Variants in FHIT observed in about 807,000 individuals in gnomAD.
The protein encoded by FHIT is fragile histidine triad diadenosine triphosphatase.
A neutral mutation model predicts 17.9 loss-of-function variants in FHIT; 19 were observed. That is an observed-to-expected ratio of 1.06 (90% CI 0.74 to 1.56). The LOEUF (loss-of-function observed/expected upper bound fraction) is 1.56, where lower values mean the gene tolerates loss of function less well. Ranked by LOEUF, FHIT falls within the 40% of genes most tolerant of loss-of-function variation. The pLI, the probability that FHIT is intolerant of heterozygous loss-of-function variation, is 0.00. For synonymous variants in FHIT, 81 were observed against 69.7 expected (o/e 1.16, Z -0.81); for missense variants, 248 against 189.2 (o/e 1.31, Z -1.82).
At chr3:61,182,340 G>A (rs987853670) in intron 2 of FHIT, among the ~76,000 whole-genome samples, 12 of 152,080 alleles carry the variant, frequency 7.9e-5, no homozygotes, top group Admixed American at 7.9e-4. Context: ...TTCATGATTT[G>A]TATAATATCT....
At chr3:60,112,331 G>C (rs1279239280) in intron 5 of FHIT, among the ~76,000 whole-genome samples, 1 of 152,152 alleles carries the variant, frequency 6.6e-6, no homozygotes, top group Admixed American at 6.5e-5. Flanking sequence ...GTAAAATCAA[G>C]AACTTGTCAC....
chr3:60,266,494 T>A (rs1012894192), intron 5 of FHIT, among the ~76,000 whole-genome samples: 1 of 152,068 alleles, frequency 6.6e-6, no homozygotes, highest in African/African-American at 2.4e-5. Context: ...GTTGCACAAT[T>A]CTGATAATGT....
intron 4 of FHIT, among the ~76,000 whole-genome samples, chr3:60,540,241 A>G (rs567040334): frequency 1.7e-4 from 26 of 152,232 alleles, no homozygotes; most frequent in African/African-American, 5.5e-4. Flanking sequence ...TCTTTCCCCC[A>G]TACCTCACCT....
intron 2 of FHIT, among the ~76,000 whole-genome samples, chr3:61,180,976 T>C (rs572226033): frequency 8.5e-5 from 13 of 152,346 alleles, no homozygotes; most frequent in African/African-American, 2.6e-4. Context: ...TTCAAGTACA[T>C]TTATCTCCGT....
chr3:60,211,749 T>C (rs12493500), intron 5 of FHIT, among the ~76,000 whole-genome samples: 12,394 of 152,054 alleles, frequency 0.082, 539 homozygotes, highest in South Asian at 0.15. Flanking sequence ...ATGGTTGAAA[T>C]GAAATAAGGA....
intron 5 of FHIT, among the ~76,000 whole-genome samples, chr3:60,534,439 C>CAAAAAAAAAAAAAAAAAAAA (rs563992117): frequency 9.3e-5 from 3 of 32,398 alleles, no homozygotes; most frequent in African/African-American, 1.3e-4. Context: ...GACTCCGTCT[C>CAAAAAAAAAAAAAAAAAAAA]AAAAAAAAAA....
chr3:60,201,776 T>C (rs1702919783), intron 5 of FHIT, among the ~76,000 whole-genome samples: 1 of 151,894 alleles, frequency 6.6e-6, no homozygotes, highest in African/African-American at 2.4e-5. Context: ...ATATATTGGA[T>C]CTAAGACTAC....
chr3:60,347,689 G>GGGGGTGTTTTTTTTTTTTT (rs1553750581), intron 5 of FHIT, among the ~76,000 whole-genome samples: 1 of 85,304 alleles, frequency 1.2e-5, no homozygotes, highest in Non-Finnish European at 2.4e-5. Flanking sequence ...GGGGGGGGGG[G>GGGGGTGTTTTTTTTTTTTT]TTTGTTTTTT....
intron 7 of FHIT, among the ~76,000 whole-genome samples, chr3:59,949,876 TAAAC>T (rs909814483): frequency 6.6e-6 from 1 of 152,210 alleles, no homozygotes; most frequent in Non-Finnish European, 1.5e-5. Context: ...GACTTTGCAT[TAAAC>T]AAACAGCTAT....
rs577894826 is a variant in FHIT, at chr3:60,558,610, C to T, written c.-17-21631G>A. On this transcript the variant is annotated intron_variant, in intron 4 of 9. Transcript: ENST00000492590. ...ACTAAATGCACATTCCCAGGAGCTC[C>T]GACCTCCAGTCAAAAAAGTAAAAGT... Among the ~76,000 whole-genome samples the T allele has an allele frequency of 5.9e-5, 9 of 152,156 alleles. No individual in the cohort carries two copies. The East Asian group carries it at 9.7e-4, about 16-fold the overall frequency.
rs144173018 is a variant in FHIT at position 60,890,433 on chromosome 3, G to A, written c.-110-68422C>T. Among the ~76,000 whole-genome samples, 8 of 152,228 alleles carry A rather than the reference G, an allele frequency of 5.3e-5. No homozygotes were observed. In the South Asian group the frequency reaches 8.3e-4, roughly 16 times the overall value. ...CGGAACAACTACCCAGCCAAGCCAC[G>A]CCCCAATTCCTGACCTACAGAACCT... On this transcript the variant is annotated intron_variant, in intron 3 of 9. Coordinates refer to ENST00000492590, the MANE Select transcript of FHIT (RefSeq NM_002012.4).
chr3:60,557,125 T>C (rs2036768375), intron 4 of FHIT, among the ~76,000 whole-genome samples: 1 of 152,224 alleles, frequency 6.6e-6, no homozygotes, highest in Non-Finnish European at 1.5e-5. Context: ...TGTAAATATC[T>C]CACTTACTCC....
chr3:59,909,412 C>T (rs1375608312), intron 8 of FHIT, among the ~76,000 whole-genome samples: 1 of 152,178 alleles, frequency 6.6e-6, no homozygotes, highest in South Asian at 2.1e-4. Flanking sequence ...TCACTGCAAC[C>T]TCCTCCTCTG....
At chr3:60,250,262 G>C (rs925103982) in intron 5 of FHIT, among the ~76,000 whole-genome samples, 1 of 152,140 alleles carries the variant, frequency 6.6e-6, no homozygotes, top group Non-Finnish European at 1.5e-5. Flanking sequence ...GCTTAAGCTA[G>C]AATGGGTCAC....
chr3:61,231,494 GAA>G (rs58242774), intron 1 of FHIT, among the ~76,000 whole-genome samples: 2 of 141,430 alleles, frequency 1.4e-5, no homozygotes, highest in African/African-American at 5.2e-5. Flanking sequence ...GTCTCTTACG[GAA>G]AAAAAAAAAA....
At chr3:60,672,524 T>C (rs1307199176) in intron 4 of FHIT, among the ~76,000 whole-genome samples, 1 of 152,194 alleles carries the variant, frequency 6.6e-6, no homozygotes, top group Non-Finnish European at 1.5e-5. Context: ...TGTGATGGAA[T>C]GTCATCAGTT....
intron 5 of FHIT, among the ~76,000 whole-genome samples, chr3:60,357,150 G>T (rs1214121988): frequency 6.6e-6 from 1 of 152,070 alleles, no homozygotes; most frequent in African/African-American, 2.4e-5. Context: ...AAGAAACTCC[G>T]GATTGTTTCA....
At chr3:60,164,912 C>T (rs1347023348) in intron 5 of FHIT, among the ~76,000 whole-genome samples, 1 of 152,174 alleles carries the variant, frequency 6.6e-6, no homozygotes, top group Non-Finnish European at 1.5e-5. Context: ...TACCAAACTC[C>T]AATTTTCCAG....
chr3:60,455,006 T>C (rs965265020), intron 5 of FHIT, among the ~76,000 whole-genome samples: 1 of 152,132 alleles, frequency 6.6e-6, no homozygotes, highest in African/African-American at 2.4e-5. Flanking sequence ...TTGAACTCAA[T>C]GTCTTTAGTG....
Sources: gnomAD v4.1 joint callset for allele counts (sites outside exome capture counted in the v4.1 genomes callset) on GRCh38, gnomAD v4.1.1 for gene constraint, MANE v1.5 for transcripts, NCBI Gene and HGNC (gene_info 2026-07-23, HGNC 2026-07-21) for gene names.